The following TNPO3 variants were observed in gnomAD, a reference collection of about 807,000 sequenced individuals.
TNPO3 encodes transportin 3, also known as transportin-3.
A neutral mutation model predicts 122.8 loss-of-function variants in TNPO3; 65 were observed. The ratio of observed to expected loss-of-function variants is 0.53; its 90% CI spans 0.43 to 0.65. TNPO3 has a LOEUF of 0.65. Ranked by LOEUF, TNPO3 falls within the 30% of genes least tolerant of loss-of-function variation. The probability of loss-of-function intolerance (pLI) is 0.00; values close to 1 mark genes in which losing one functional copy is unlikely to be tolerated. For synonymous variants in TNPO3, 372 were observed against 411.2 expected, an observed-to-expected ratio of 0.90 and a Z score of 1.15; for missense variants, 850 against 1,136.7, an observed-to-expected ratio of 0.75 and a Z score of 3.63.
chr7:128,955,728 G>C (rs1023478785), intron 22 of TNPO3, among the ~76,000 whole-genome samples: 1 of 152,288 alleles, frequency 6.6e-6, no homozygotes, highest in South Asian at 2.1e-4. Context: ...AATCCCACAG[G>C]CTTCATGTCG....
Position 129,020,836 on chromosome 7 carries a change from G to A in TNPO3, c.121-2679C>T, listed in dbSNP as rs182976742. On this transcript the variant is annotated intron_variant, in intron 1 of 22. Transcript: ENST00000265388. Reference sequence around the variant, plus strand: ...AGAGCATTAGATAGCAACAAAACTAGGTGTTGTCTAGTTATCTCCAAGGGT... The same window carrying A: ...AGAGCATTAGATAGCAACAAAACTAAGTGTTGTCTAGTTATCTCCAAGGGT... Among the ~76,000 whole-genome samples, 17 of 152,218 alleles carry A rather than the reference G, an allele frequency of 1.1e-4. No individual in the cohort carries two copies. In the East Asian group the frequency reaches 3.1e-3, roughly 28 times the overall value.
intron 1 of TNPO3, 47 bp downstream of exon 1, chr7:129,054,604 C>T (rs1456563866): frequency 3.7e-6 from 6 of 1,608,110 alleles, no homozygotes; most frequent in East Asian, 2.2e-5. Flanking sequence ...CTAGGTTCCA[C>T]CCCGCCCCGG....
intron 1 of TNPO3, among the ~76,000 whole-genome samples, chr7:129,039,240 A>T (rs1807068730): frequency 6.6e-6 from 1 of 152,184 alleles, no homozygotes; most frequent in Non-Finnish European, 1.5e-5. Context: ...TTTTGAAAAC[A>T]GGATGCCATT....
At chr7:129,036,325 T>G (rs1457292440) in intron 1 of TNPO3, among the ~76,000 whole-genome samples, 2 of 152,044 alleles carry the variant, frequency 1.3e-5, no homozygotes, top group African/African-American at 4.8e-5. Context: ...CAAGCAACCC[T>G]CCCACCTCAG....
At chr7:129,023,106 G>A (rs564833398) in intron 1 of TNPO3, among the ~76,000 whole-genome samples, 2 of 152,228 alleles carry the variant, frequency 1.3e-5, no homozygotes, top group Admixed American at 1.3e-4. Context: ...TGAGGCTACT[G>A]ACTAGGTTAA....
At chr7:128,985,844 T>G (rs1485301062) in intron 12 of TNPO3, among the ~76,000 whole-genome samples, 4 of 152,212 alleles carry the variant, frequency 2.6e-5, no homozygotes, top group African/African-American at 7.2e-5. Flanking sequence ...GTAAGGAATC[T>G]GGTCATATGA....
In TNPO3 at chr7:129,001,198, C is replaced by A. The variant is rs1016774766; in HGVS notation, c.733G>T (p.Ala245Ser). The A allele has an allele frequency of 6.2e-7, 1 of 1,613,730 alleles. No homozygotes were observed. Among genetic ancestry groups the A allele is most frequent in the African/African-American group, 1.3e-5 (1 of 75,030 alleles). Residue 245 changes from alanine to serine, a missense_variant, in exon 6 of 23, where the codon GCT becomes TCT. Ala to Ser is a moderately conservative substitution (Grantham distance 99). Transcript: ENST00000265388. Reference sequence around the variant, plus strand: ...AGAGCTGAGCATACACAGTCCGAAGCAGCTTCATGTAGGTTAGACGAGGTC... The same window carrying A: ...AGAGCTGAGCATACACAGTCCGAAGAAGCTTCATGTAGGTTAGACGAGGTC... ...DKTSSNLHEA[A>S]SDCVCSALYA...
chr7:128,997,600 A>C, intron 7 of TNPO3, 65 bp from the exon 8 acceptor site: 1 of 1,359,620 alleles, frequency 7.4e-7, no homozygotes, highest in Non-Finnish European at 1.0e-6. Context: ...ACATTTTATT[A>C]TCACCACGAC....
chr7:128,970,458 G>C, intron 19 of TNPO3, 143 bp from the exon 20 acceptor site: 1 of 657,880 alleles, frequency 1.5e-6, no homozygotes, highest in Non-Finnish European at 2.4e-6. Context: ...GTGTATGCAG[G>C]TGTGTGTAAA....
At chr7:129,056,174 C>G (rs1809436715), upstream of TNPO3, 2 of 897,610 alleles carry the variant, frequency 2.2e-6, no homozygotes, top group Admixed American at 3.5e-5. Context: ...ACGAGTTGGC[C>G]CGGCAGAAGC....
intron 12 of TNPO3, among the ~76,000 whole-genome samples, chr7:128,985,616 ATTGAAAACCAT>A (rs1446024093): frequency 6.6e-6 from 1 of 152,190 alleles, no homozygotes; most frequent in Non-Finnish European, 1.5e-5. Flanking sequence ...ATAAATAAAA[ATTGAAAACCAT>A]TTTCTACATC....
intron 1 of TNPO3, among the ~76,000 whole-genome samples, chr7:129,045,461 A>C (rs1434939001): frequency 1.3e-5 from 2 of 150,706 alleles, no homozygotes; most frequent in Non-Finnish European, 1.5e-5. Flanking sequence ...GCACCACTGC[A>C]CTCCAACCTG....
chr7:129,005,290 G>C (rs539591035), intron 4 of TNPO3, 131 bp from the exon 5 acceptor site: 16 of 852,240 alleles, frequency 1.9e-5, no homozygotes, highest in Admixed American at 3.0e-5. Flanking sequence ...TGCTTTTTAA[G>C]TTTAAGTGTC....
At chr7:129,056,055 T>G, upstream of TNPO3, 1 of 1,165,452 alleles carries the variant, frequency 8.6e-7, no homozygotes, top group Non-Finnish European at 1.3e-6. Context: ...GGGGAGGAAC[T>G]GGAAGATGAA....
intron 1 of TNPO3, among the ~76,000 whole-genome samples, chr7:129,026,796 C>T (rs1237209741): frequency 6.6e-6 from 1 of 152,042 alleles, no homozygotes; most frequent in Non-Finnish European, 1.5e-5. Context: ...TGATACAGAT[C>T]TTGCAAAATG....
intron 21 of TNPO3, among the ~76,000 whole-genome samples, chr7:128,959,564 G>T (rs935092295): frequency 6.6e-6 from 1 of 152,192 alleles, no homozygotes; most frequent in Non-Finnish European, 1.5e-5. Flanking sequence ...AAACTGAAAT[G>T]CAAGTGTGGG....
intron 1 of TNPO3, among the ~76,000 whole-genome samples, chr7:129,025,746 C>T (rs1805073665): frequency 6.6e-6 from 1 of 152,108 alleles, no homozygotes; most frequent in South Asian, 2.1e-4. Flanking sequence ...GTTAAAAGGC[C>T]ATCTGCATAT....
intron 1 of TNPO3, among the ~76,000 whole-genome samples, chr7:129,018,385 T>C (rs1384748235): frequency 1.3e-5 from 2 of 152,218 alleles, no homozygotes; most frequent in Non-Finnish European, 2.9e-5. Context: ...GCATGAGAGC[T>C]ATCAGTTAAA....
intron 1 of TNPO3, among the ~76,000 whole-genome samples, chr7:129,023,209 A>G (rs1427244527): frequency 6.6e-6 from 1 of 152,150 alleles, no homozygotes; most frequent in Admixed American, 6.5e-5. Context: ...AAGGAGGTGT[A>G]GACATAAAAA....
Sources: allele counts gnomAD v4.1 joint callset (sites outside exome capture counted in the v4.1 genomes callset), GRCh38; gene constraint gnomAD v4.1.1; transcripts MANE v1.5; gene names NCBI Gene and HGNC (gene_info 2026-07-23, HGNC 2026-07-21).